The following LRP5 variants were observed in gnomAD, a reference collection of about 807,000 sequenced individuals.
The protein encoded by LRP5 is low-density lipoprotein receptor-related protein 5.
Under a neutral mutation model 154.1 loss-of-function variants are expected in LRP5, and 62 were observed. The ratio of observed to expected loss-of-function variants is 0.40; its 90% CI spans 0.33 to 0.50. The LOEUF is 0.50. Ranked by LOEUF, LRP5 falls within the 20% of genes least tolerant of loss-of-function variation. The pLI is 0.55. For missense variants in LRP5, 1,915 were observed against 2,336.7 expected (o/e 0.82, Z 3.72); for synonymous variants, 966 against 1,011.5 (o/e 0.96, Z 0.85).
At chr11:68,395,330 C>T (rs2098648672) in intron 7 of LRP5, among the ~76,000 whole-genome samples, 1 of 150,958 alleles carries the variant, frequency 6.6e-6, no homozygotes, top group Non-Finnish European at 1.5e-5. Context: ...ATAAAAAGAC[C>T]AACCGAGGAA....
At chr11:68,378,807 G>A (rs1477476569) in intron 5 of LRP5, among the ~76,000 whole-genome samples, 1 of 152,138 alleles carries the variant, frequency 6.6e-6, no homozygotes, top group Non-Finnish European at 1.5e-5. Flanking sequence ...GGAGGCTGGA[G>A]TTGGGGTTGG....
chr11:68,310,927 G>C (rs75127400), upstream of LRP5, among the ~76,000 whole-genome samples: 1,999 of 152,096 alleles, frequency 0.013, 54 homozygotes, highest in African/African-American at 0.046. Context: ...AAGAAGTGTG[G>C]TTGGAGCAGG....
intron 1 of LRP5, among the ~76,000 whole-genome samples, chr11:68,333,853 A>T (rs908792920): frequency 1.4e-4 from 22 of 152,166 alleles, no homozygotes; most frequent in Non-Finnish European, 2.8e-4. Context: ...TTGCCCCCAG[A>T]TTGATCAGTG....
Position 68,413,791 on chromosome 11 carries a change from A to G in LRP5, c.2606A>G (p.Glu869Gly). The G allele has an allele frequency of 6.2e-7, 1 of 1,613,596 alleles. No homozygotes were observed. The highest frequency in any genetic ancestry group is 8.5e-7 in the Non-Finnish European group (1 of 1,179,782). Residue 869 changes from glutamate (E) to glycine (G), a missense_variant, in exon 12 of 23, where the codon GAG (glutamate) becomes GGG (glycine). Physicochemically the swap from Glu to Gly is moderately conservative, Grantham distance 98. Coordinates refer to ENST00000294304, the MANE Select transcript of LRP5 (RefSeq NM_002335.4). The surrounding 1 kb of genome is among the most constrained non-coding windows in gnomAD (Gnocchi z 5.1). ...ACAGACTGGAATCTGCACAGCATTGAGCGGGCCGACAAGACTAGCGGCCGG... is the reference window on the plus strand; with the variant it reads ...ACAGACTGGAATCTGCACAGCATTGGGCGGGCCGACAAGACTAGCGGCCGG... ...YWTDWNLHSI[E>G]RADKTSGRNR...
intron 1 of LRP5, among the ~76,000 whole-genome samples, chr11:68,344,399 A>G (rs1231890140): frequency 8.6e-5 from 13 of 150,698 alleles, no homozygotes; most frequent in Admixed American, 7.9e-4. Context: ...GCTCACTGCA[A>G]CCTCCACTTC....
chr11:68,370,808 A>G (rs1349022778), intron 5 of LRP5, among the ~76,000 whole-genome samples: 1 of 152,208 alleles, frequency 6.6e-6, no homozygotes, highest in Non-Finnish European at 1.5e-5. Flanking sequence ...GAACGTCCAC[A>G]TGCAGCCAGT....
At chr11:68,432,798 C>T (rs1216582257) in intron 17 of LRP5, among the ~76,000 whole-genome samples, 1 of 152,216 alleles carries the variant, frequency 6.6e-6, no homozygotes, top group African/African-American at 2.4e-5. Context: ...AGTGCCCCCA[C>T]GCTTTGTGTC....
At chr11:68,343,447 G>T (rs74729329) in intron 1 of LRP5, among the ~76,000 whole-genome samples, 2,353 of 152,224 alleles carry the variant, frequency 0.015, 63 homozygotes, top group African/African-American at 0.053. Context: ...CAAGAACCAA[G>T]GAATTTCAGC....
In LRP5 at chr11:68,420,078, C is replaced by T. The variant is rs537483171; in HGVS notation, c.3028-3411C>T. Reference sequence around the variant, plus strand: ...TGCTGAGATTACAGGCGCGAGCCACCGCACCCAGCCCATTTTACCTATTCT... The same window carrying T: ...TGCTGAGATTACAGGCGCGAGCCACTGCACCCAGCCCATTTTACCTATTCT... On this transcript the variant is annotated intron_variant, in intron 13 of 22. Transcript: ENST00000294304. Among the ~76,000 whole-genome samples, 189 of 152,352 alleles carry T rather than the reference C, an allele frequency of 1.2e-3. 3 individuals are homozygous for T. In the South Asian group the frequency reaches 0.037, roughly 30 times the overall value.
chr11:68,357,610 A>T, intron 2 of LRP5, 40 bp from the exon 3 acceptor site: 1 of 1,587,674 alleles, frequency 6.3e-7, no homozygotes, highest in East Asian at 2.2e-5. Context: ...CAAAAAACAG[A>T]TCTGTGTTAG....
intron 8 of LRP5, 78 bp downstream of exon 8, chr11:68,403,777 C>A (rs955313372): frequency 7.9e-5 from 124 of 1,566,000 alleles, no homozygotes; most frequent in Non-Finnish European, 1.0e-4. Context: ...CATGCCTGGG[C>A]ATAAGTGTTG....
chr11:68,339,355 CT>C (rs1049439848), intron 1 of LRP5, among the ~76,000 whole-genome samples: 11 of 151,164 alleles, frequency 7.3e-5, no homozygotes, highest in Admixed American at 5.3e-4. Context: ...CTAATTTTTT[CT>C]TTTTTTTCCG....
intron 17 of LRP5, among the ~76,000 whole-genome samples, chr11:68,431,539 GT>G (rs2098671913): frequency 6.6e-6 from 1 of 152,114 alleles, no homozygotes; most frequent in African/African-American, 2.4e-5. Context: ...CACACCCGGA[GT>G]GCCGGTTGTT....
At chr11:68,364,386 G>GTA (rs1555077475) in intron 4 of LRP5, among the ~76,000 whole-genome samples, 1 of 149,788 alleles carries the variant, frequency 6.7e-6, no homozygotes, top group East Asian at 1.9e-4. Context: ...GTGTGTGTGT[G>GTA]TGTATGTATT....
the LRP5 span, among the ~76,000 whole-genome samples, chr11:68,299,934 T>C: frequency 2.0e-4 from 30 of 148,946 alleles, 3 homozygotes; most frequent in South Asian, 3.8e-3. Context: ...AGTCTTGTTC[T>C]GTTGCCAGGT....
At chr11:68,361,562 G>T (rs1412784802) in intron 3 of LRP5, among the ~76,000 whole-genome samples, 1 of 151,822 alleles carries the variant, frequency 6.6e-6, no homozygotes, top group Non-Finnish European at 1.5e-5. Flanking sequence ...GTGTGAACCC[G>T]GGAGGCAGAG....
chr11:68,421,914 A>T (rs2098666027), intron 13 of LRP5, among the ~76,000 whole-genome samples: 1 of 151,470 alleles, frequency 6.6e-6, no homozygotes, highest in Admixed American at 6.6e-5. Flanking sequence ...CTTTTTATCT[A>T]CTTAGAGACT....
At chr11:68,348,478 G>A (rs1219544582) in intron 2 of LRP5, among the ~76,000 whole-genome samples, 5 of 141,136 alleles carry the variant, frequency 3.5e-5, no homozygotes. Flanking sequence ...CTCTTAAAAT[G>A]AACCCGTGGG....
At chr11:68,399,613 G>T (rs1468451029) in intron 7 of LRP5, among the ~76,000 whole-genome samples, 1 of 152,136 alleles carries the variant, frequency 6.6e-6, no homozygotes, top group Non-Finnish European at 1.5e-5. Flanking sequence ...CTCTGTTTTG[G>T]CTCTGTTCCC....
Sources: allele counts gnomAD v4.1 joint callset (sites outside exome capture counted in the v4.1 genomes callset), GRCh38; gene constraint gnomAD v4.1.1; non-coding constraint Gnocchi (gnomAD v3.1); transcripts MANE v1.5; gene names NCBI Gene and HGNC (gene_info 2026-07-23, HGNC 2026-07-21).